PRKCE: variants seen among roughly 807,000 people sequenced by gnomAD.
PRKCE encodes the protein protein kinase C epsilon type.
In PRKCE, 16 loss-of-function variants were observed where a neutral mutation model predicts 85.4. That is an observed-to-expected ratio of 0.19 (90% CI 0.13 to 0.28). The LOEUF is 0.28. Among genes scored for constraint, PRKCE ranks in the 10% least tolerant of loss-of-function variants. The probability of loss-of-function intolerance (pLI) is 1.00; values close to 1 mark genes in which losing one functional copy is unlikely to be tolerated. For synonymous variants in PRKCE, 388 were observed against 371.5 expected (o/e 1.04, Z -0.51); for missense variants, 573 against 975.2 (o/e 0.59, Z 5.49).
At chr2:45,751,087 C>G (rs374427425) in intron 1 of PRKCE, among the ~76,000 whole-genome samples, 1 of 152,168 alleles carries the variant, frequency 6.6e-6, no homozygotes, top group Admixed American at 6.5e-5. Flanking sequence ...GTTCCCCAAG[C>G]CCCCTGGGCC....
At chr2:45,864,566 A>G (rs2105689981) in intron 2 of PRKCE, among the ~76,000 whole-genome samples, 1 of 152,338 alleles carries the variant, frequency 6.6e-6, no homozygotes, top group Non-Finnish European at 1.5e-5. Flanking sequence ...TAAGGGCTTA[A>G]TGTCTTACAC....
At chr2:45,990,881 C>A (rs1574140339) in intron 6 of PRKCE, among the ~76,000 whole-genome samples, 1 of 151,844 alleles carries the variant, frequency 6.6e-6, no homozygotes, top group Non-Finnish European at 1.5e-5. Flanking sequence ...AGGCTGGTCT[C>A]AAACTCCTGA....
chr2:46,097,949 A>G (rs1296153470), intron 11 of PRKCE, among the ~76,000 whole-genome samples: 1 of 152,222 alleles, frequency 6.6e-6, no homozygotes, highest in Non-Finnish European at 1.5e-5. Context: ...ATGAAAGCCA[A>G]GTTTACATTC....
At chr2:45,847,768 T>C (rs1241846074) in intron 2 of PRKCE, among the ~76,000 whole-genome samples, 1 of 152,246 alleles carries the variant, frequency 6.6e-6, no homozygotes, top group African/African-American at 2.4e-5. Context: ...AGTTCTCTTC[T>C]TCAGAAAGCT....
In PRKCE at chr2:46,138,768, T is replaced by C. The variant is rs1204419904; in HGVS notation, c.1593-6325T>C. 3.3e-5 allele frequency among the ~76,000 whole-genome samples: 5 copies of C among 152,184 alleles called. No individual in the cohort carries two copies. Among genetic ancestry groups the C allele is most frequent in the Non-Finnish European group, 2.9e-5 (2 of 68,032 alleles). ...AATGCATCTAATGCATAACATCTCA[T>C]AGCATCTAATGCGTAGAGACCAGGG... is the stretch of plus-strand genomic sequence containing the variant. On this transcript the variant is annotated intron_variant, in intron 11 of 14. Coordinates refer to ENST00000306156, the MANE Select transcript of PRKCE (RefSeq NM_005400.3). This position sits in a 1 kb window ranked among gnomAD's most constrained non-coding sequence, Gnocchi z 4.2.
At chr2:45,836,438 C>A (rs867113285) in intron 1 of PRKCE, among the ~76,000 whole-genome samples, 5 of 152,366 alleles carry the variant, frequency 3.3e-5, no homozygotes, top group South Asian at 2.1e-4. Context: ...TAGCTGCTAA[C>A]TTCAAAATCA....
chr2:45,914,362 G>C lies in PRKCE; in HGVS notation c.413-62067G>C, dbSNP rs528174268. Among the ~76,000 whole-genome samples the C allele has an allele frequency of 3.9e-5, 6 of 152,226 alleles. No individual in the cohort carries two copies. In the South Asian group the frequency reaches 6.2e-4, roughly 16 times the overall value. On this transcript the variant is annotated intron_variant, in intron 2 of 14. Coordinates refer to ENST00000306156, the MANE Select transcript of PRKCE (RefSeq NM_005400.3). ...ATGAGCAAGCTCTGTTTGGACATGT[G>C]GACTTGGATGTGTCTCAACGATGTG...
chr2:45,984,594 G>C lies in PRKCE; in HGVS notation c.737G>C (p.Gly246Ala), dbSNP rs770318085. 35 of 1,599,618 alleles carry C rather than the reference G, an allele frequency of 2.2e-5. No homozygotes were observed. Among genetic ancestry groups the C allele is most frequent in the Admixed American group, 3.3e-5 (2 of 60,000 alleles). The part of the protein sequence containing the change: ...RFSVNMPHKF[G>A]IHNYKVPTFC... ...AGCGTCAACATGCCCCACAAGTTCGGTATCCACAACTACAAGGTCCCTACC... is the reference window on the plus strand; with the variant it reads ...AGCGTCAACATGCCCCACAAGTTCGCTATCCACAACTACAAGGTCCCTACC... Residue 246 changes from glycine (G) to alanine (A), a missense_variant, in exon 6 of 15, where the codon GGT becomes GCT. Around this residue, in one of 11 missense-constraint regions of PRKCE, gnomAD observed 55 missense variants for 128.1 expected, o/e 0.43. Transcript: ENST00000306156.
chr2:45,814,028 G>A lies in PRKCE; in HGVS notation c.349-28972G>A, dbSNP rs183491211. ...CCAAGGTGGGCAGGACATCAGAGAA[G>A]CCCCCACCTCCGGTCCCCCCTCCCC... On this transcript the variant is annotated intron_variant, in intron 1 of 14. Transcript: ENST00000306156. 1.3e-4 allele frequency among the ~76,000 whole-genome samples: 20 copies of A among 152,220 alleles called. No homozygotes were observed. The East Asian group carries it at 3.9e-3, about 29-fold the overall frequency.
chr2:45,663,933 G>A lies in PRKCE; in HGVS notation c.348+11485G>A, dbSNP rs193106352. On this transcript the variant is annotated intron_variant, in intron 1 of 14. Coordinates refer to ENST00000306156, the MANE Select transcript of PRKCE (RefSeq NM_005400.3). ...AACCAAAACAAACTATCCAAAGAAC[G>A]GGAACAGTAGCTAGAATGGATGTTC... is the stretch of plus-strand genomic sequence containing the variant. Among the ~76,000 whole-genome samples, 3 of 152,216 alleles carry A rather than the reference G, an allele frequency of 2.0e-5. No individual in the cohort carries two copies. The East Asian group carries it at 5.8e-4, about 29-fold the overall frequency.
chr2:45,725,238 T>G (rs1418010469), intron 1 of PRKCE, among the ~76,000 whole-genome samples: 3 of 152,132 alleles, frequency 2.0e-5, no homozygotes, highest in Admixed American at 1.3e-4. Flanking sequence ...TACAGCATGG[T>G]TTACTGAATA....
rs1182189590 is a variant in PRKCE at position 45,921,601 on chromosome 2, G to C, written c.413-54828G>C. ...TCCTAGCTGGTAAGTGGTAGAGCTG[G>C]GTAAACTGACAGGGTGACCAGAGCT... On this transcript the variant is annotated intron_variant, in intron 2 of 14. Coordinates refer to ENST00000306156, the MANE Select transcript of PRKCE (RefSeq NM_005400.3). Among the ~76,000 whole-genome samples the C allele has an allele frequency of 5.9e-5, 9 of 152,182 alleles. 1 individual carries two copies. The highest frequency in any genetic ancestry group is 1.3e-4 in the Non-Finnish European group (9 of 68,038).
chr2:46,025,691 C>G (rs1269407214), intron 10 of PRKCE, among the ~76,000 whole-genome samples: 2 of 152,192 alleles, frequency 1.3e-5, no homozygotes, highest in Non-Finnish European at 2.9e-5. Context: ...GAATAAGAAC[C>G]CTGGGTTCCA....
intron 1 of PRKCE, among the ~76,000 whole-genome samples, chr2:45,673,968 A>C (rs558632158): frequency 1.2e-4 from 18 of 151,658 alleles, no homozygotes; most frequent in Non-Finnish European, 2.6e-4. Context: ...GTGCAATTGA[A>C]CTCTTGCTCC....
intron 1 of PRKCE, among the ~76,000 whole-genome samples, chr2:45,763,151 T>C (rs975030150): frequency 1.1e-4 from 16 of 152,264 alleles, no homozygotes; most frequent in Admixed American, 2.6e-4. Flanking sequence ...AGATGGGGTT[T>C]CACCATGTTA....
chr2:45,767,203 C>T (rs931530687), intron 1 of PRKCE, among the ~76,000 whole-genome samples: 1 of 152,146 alleles, frequency 6.6e-6, no homozygotes, highest in East Asian at 1.9e-4. Context: ...TCAAATACCT[C>T]TGCTTCTGGA....
intron 1 of PRKCE, among the ~76,000 whole-genome samples, chr2:45,821,499 A>G (rs1384828258): frequency 1.3e-5 from 2 of 152,124 alleles, no homozygotes; most frequent in African/African-American, 2.4e-5. Flanking sequence ...GTTCCTGACA[A>G]CCCAGTTGAC....
At position 45,714,261 on chromosome 2, in the gene PRKCE, C is replaced by G. The variant is rs146389387; in HGVS notation, c.348+61813C>G. ...AGAAAGGGTACTCTGAAGAGAGACA[C>G]AGAGCTAAGATCAAGGTGAGGGGAG... On this transcript the variant is annotated intron_variant, in intron 1 of 14. Transcript: ENST00000306156. 2.6e-3 allele frequency among the ~76,000 whole-genome samples: 389 copies of G among 152,144 alleles called. 1 individual carries two copies. Among genetic ancestry groups the G allele is most frequent in the African/African-American group, 8.7e-3 (361 of 41,516 alleles).
chr2:45,719,605 A>G (rs1257889764), intron 1 of PRKCE, among the ~76,000 whole-genome samples: 2 of 152,144 alleles, frequency 1.3e-5, no homozygotes, highest in African/African-American at 2.4e-5. Flanking sequence ...TCTAATATGT[A>G]TTTTGAGGTG....
Sources: gnomAD v4.1 joint callset for allele counts (sites outside exome capture counted in the v4.1 genomes callset) on GRCh38, gnomAD v4.1.1 for gene constraint, gnomAD v4.1.1 regional missense constraint, Gnocchi (gnomAD v3.1) non-coding constraint, MANE v1.5 for transcripts, NCBI Gene and HGNC (gene_info 2026-07-23, HGNC 2026-07-21) for gene names.